The following BANF2 variants were observed in gnomAD, a reference collection of about 807,000 sequenced individuals.
The protein encoded by BANF2 is barrier-to-autointegration factor-like protein.
BANF2 carries 4 observed loss-of-function variants against 8.0 expected under a neutral mutation model. The observed-to-expected ratio is 0.50, with a 90% CI of 0.25 to 1.14. The LOEUF (loss-of-function observed/expected upper bound fraction) is 1.14. Among genes scored for constraint, BANF2 ranks in the 50% most tolerant of loss-of-function variants. The pLI is 0.16. For missense variants in BANF2, 96 were observed against 107.5 expected (o/e 0.89, Z 0.47); for synonymous variants, 50 against 40.6 (o/e 1.23, Z -0.88).
At chr20:17,724,160 T>C (rs1387541414) in intron 2 of BANF2, among the ~76,000 whole-genome samples, 1 of 152,236 alleles carries the variant, frequency 6.6e-6, no homozygotes, top group Non-Finnish European at 1.5e-5. Context: ...ATTAAGGTCC[T>C]AGGAGACTCA....
chr20:17,699,683 G>A (rs2037381526), upstream of BANF2, among the ~76,000 whole-genome samples: 1 of 152,198 alleles, frequency 6.6e-6, no homozygotes, highest in Non-Finnish European at 1.5e-5. Flanking sequence ...GTGAGAATAG[G>A]AACCGTGGCA....
intron 3 of BANF2, among the ~76,000 whole-genome samples, chr20:17,728,875 AAC>A (rs1476169591): frequency 1.3e-5 from 2 of 152,172 alleles, no homozygotes; most frequent in East Asian, 3.8e-4. Context: ...AGAAATATAA[AAC>A]ACACCCTGCA....
chr20:17,725,637 G>A (rs1365640873), intron 3 of BANF2, among the ~76,000 whole-genome samples: 1 of 152,194 alleles, frequency 6.6e-6, no homozygotes, highest in African/African-American at 2.4e-5. Context: ...ATGACCTCAA[G>A]GATATCCAGT....
intron 1 of BANF2, among the ~76,000 whole-genome samples, chr20:17,694,776 G>T (rs1409750528): frequency 6.6e-6 from 1 of 151,394 alleles, no homozygotes; most frequent in Non-Finnish European, 1.5e-5. Context: ...GTGCCACCAG[G>T]CCTGGATAAT....
chr20:17,694,122 A>G lies in BANF2; in HGVS notation c.18+416A>G, dbSNP rs117369932. ...TTCATTCAGTAAATGATTTTTGAGC[A>G]CCTACTGTGCTCCAGGGGCTGGACA... On this transcript the variant is annotated intron_variant, in intron 1 of 2. Transcript: ENST00000545418. Among the ~76,000 whole-genome samples the G allele has an allele frequency of 4.0e-3, 605 of 152,360 alleles. 1 individual carries two copies. Among genetic ancestry groups the G allele is most frequent in the Non-Finnish European group, 6.1e-3 (412 of 68,028 alleles).
At chr20:17,730,728 T>G (rs2122650900) in intron 3 of BANF2, among the ~76,000 whole-genome samples, 1 of 152,282 alleles carries the variant, frequency 6.6e-6, no homozygotes, top group African/African-American at 2.4e-5. Flanking sequence ...TCCCCAGGTG[T>G]CCACAGCGAA....
intron 3 of BANF2, among the ~76,000 whole-genome samples, chr20:17,730,984 C>T (rs1600229496): frequency 6.6e-6 from 1 of 152,330 alleles, no homozygotes; most frequent in Admixed American, 6.5e-5. Context: ...ACACCAAAGA[C>T]ACAGAGTTTA....
At chr20:17,702,805 C>T (rs551626595) in intron 1 of BANF2, among the ~76,000 whole-genome samples, 3 of 152,280 alleles carry the variant, frequency 2.0e-5, no homozygotes, top group South Asian at 2.1e-4. Flanking sequence ...CCAACAGAAC[C>T]GTCACGGGAA....
chr20:17,726,987 C>T (rs1386582104), intron 3 of BANF2, among the ~76,000 whole-genome samples: 1 of 152,188 alleles, frequency 6.6e-6, no homozygotes, highest in Non-Finnish European at 1.5e-5. Context: ...TATTCACCAG[C>T]CTCAGTCCCT....
intron 3 of BANF2, among the ~76,000 whole-genome samples, chr20:17,729,224 G>A (rs185997898): frequency 4.6e-5 from 7 of 152,212 alleles, no homozygotes; most frequent in Admixed American, 3.3e-4. Flanking sequence ...TCTCTGTCCC[G>A]CTGCCCCATC....
intron 3 of BANF2, among the ~76,000 whole-genome samples, chr20:17,734,271 C>T (rs1276899164): frequency 6.6e-6 from 1 of 152,144 alleles, no homozygotes; most frequent in Non-Finnish European, 1.5e-5. Flanking sequence ...TGCTTATCTT[C>T]CATGTATTTT....
Position 17,724,889 on chromosome 20 carries a change from T to C in BANF2, c.-3-134T>C, listed in dbSNP as rs148681144. ...CCTGCATTTAGTAGACCCCGGGAAA[T>C]GCTGGATGATGGAAGGAATTCTGCC... On this transcript the variant is annotated intron_variant, in intron 2 of 3. Transcript: ENST00000246090. 34 of 916,742 alleles carry C rather than the reference T, an allele frequency of 3.7e-5. No individual in the cohort carries two copies. The East Asian group carries it at 8.2e-4, about 22-fold the overall frequency. 56.8% of individuals were successfully genotyped at this position (916,742 alleles called of 1,614,324 possible).
chr20:17,696,645 A>T (rs2037348367), upstream of BANF2, among the ~76,000 whole-genome samples: 1 of 152,086 alleles, frequency 6.6e-6, no homozygotes. Flanking sequence ...CCATTTTTTG[A>T]GTCCTGGGTA....
intron 3 of BANF2, among the ~76,000 whole-genome samples, chr20:17,728,050 G>T (rs1259010279): frequency 6.6e-6 from 1 of 152,120 alleles, no homozygotes. Flanking sequence ...TACCTTGCCT[G>T]CAGGATACAT....
At chr20:17,707,382 C>CAAAAAAAAAAAAAAA (rs374719840) in intron 1 of BANF2, among the ~76,000 whole-genome samples, 2 of 142,346 alleles carry the variant, frequency 1.4e-5, no homozygotes, top group African/African-American at 5.5e-5. Flanking sequence ...GACTCTGTGT[C>CAAAAAAAAAAAAAAA]AAAAAAAAGA....
At chr20:17,700,107 C>T (rs2037385810) in intron 1 of BANF2, 52 bp downstream of exon 1, 2 of 728,530 alleles carry the variant, frequency 2.7e-6, no homozygotes, top group Non-Finnish European at 3.4e-6. Flanking sequence ...CAGCCAACAG[C>T]TGGCTGTCTT....
At chr20:17,724,742 CTTAATA>C (rs2037779626) in intron 2 of BANF2, among the ~76,000 whole-genome samples, 1 of 152,164 alleles carries the variant, frequency 6.6e-6, no homozygotes, top group Non-Finnish European at 1.5e-5. Context: ...CACTGCAGTT[CTTAATA>C]TTAAGCACAC....
chr20:17,718,340 G>T (rs2037684612), intron 1 of BANF2, among the ~76,000 whole-genome samples: 1 of 152,044 alleles, frequency 6.6e-6, no homozygotes, highest in African/African-American at 2.4e-5. Flanking sequence ...GAGTAGCTGG[G>T]ATTACAGGCG....
At chr20:17,703,454 G>A (rs1378099896) in intron 1 of BANF2, among the ~76,000 whole-genome samples, 2 of 152,196 alleles carry the variant, frequency 1.3e-5, no homozygotes, top group African/African-American at 4.8e-5. Context: ...AGGAGGAAAG[G>A]CGGTCATGGC....
Sources: allele counts gnomAD v4.1 joint callset (sites outside exome capture counted in the v4.1 genomes callset), GRCh38; gene constraint gnomAD v4.1.1; transcripts MANE v1.5; gene names NCBI Gene and HGNC (gene_info 2026-07-23, HGNC 2026-07-21).